The following STT3B variants were observed in gnomAD, a reference collection of about 807,000 sequenced individuals.
STT3B encodes the protein dolichyl-diphosphooligosaccharide--protein glycosyltransferase subunit STT3B.
In STT3B, 29 loss-of-function variants were observed where a neutral mutation model predicts 96.8. That is an observed-to-expected ratio of 0.30 (90% CI 0.22 to 0.41). The LOEUF is 0.41. Among genes scored for constraint, STT3B ranks in the 10% least tolerant of loss-of-function variants. The pLI is 1.00. For missense variants in STT3B, 640 were observed against 1,022.3 expected (o/e 0.63, Z 5.10); for synonymous variants, 367 against 360.0 (o/e 1.02, Z -0.22).
chr3:31,576,405 T>C lies in STT3B; in HGVS notation c.324T>C (p.Tyr108=). Reference sequence around the variant, plus strand: ...TATCTCTTTTCTCTAGGTTTAACTATAGATCAACACATCATCTTGCATCTC... The same window carrying C: ...TATCTCTTTTCTCTAGGTTTAACTACAGATCAACACATCATCTTGCATCTC... ...IIHEFDPWFN[Y]RSTHHLASHG... The change falls in exon 2 of 16, where the codon TAT becomes TAC. Residue 108 remains tyrosine, a synonymous_variant. Transcript: ENST00000295770. The C allele has an allele frequency of 3.2e-6, 5 of 1,583,816 alleles. No individual in the cohort carries two copies. Among genetic ancestry groups the C allele is most frequent in the Non-Finnish European group, 4.3e-6 (5 of 1,162,816 alleles).
rs117426207 is a variant in STT3B, at chr3:31,619,261, T to C, written c.1173-415T>C. Among the ~76,000 whole-genome samples, 70 of 152,278 alleles carry C rather than the reference T, an allele frequency of 4.6e-4. No homozygotes were observed. In the East Asian group the frequency reaches 0.013, roughly 27 times the overall value. On this transcript the variant is annotated intron_variant, in intron 8 of 15. Coordinates refer to ENST00000295770, the MANE Select transcript of STT3B (RefSeq NM_178862.3). ...TGAACTGGTAAGTATAATGCAAATA[T>C]TCTAAAATCTGAAACACTGCTGGTT... is the stretch of plus-strand genomic sequence containing the variant.
intron 3 of STT3B, among the ~76,000 whole-genome samples, chr3:31,592,835 A>G (rs1397719731): frequency 6.6e-6 from 1 of 152,182 alleles, no homozygotes; most frequent in Non-Finnish European, 1.5e-5. Context: ...TTTGGTTTCC[A>G]AAGTGGGGAA....
intron 5 of STT3B, among the ~76,000 whole-genome samples, chr3:31,609,189 T>C (rs1451103822): frequency 6.6e-6 from 1 of 152,180 alleles, no homozygotes; most frequent in African/African-American, 2.4e-5. Flanking sequence ...GTAACAGGAT[T>C]TGTGATTTCC....
At chr3:31,561,710 T>G (rs1697883567) in intron 1 of STT3B, among the ~76,000 whole-genome samples, 1 of 152,202 alleles carries the variant, frequency 6.6e-6, no homozygotes, top group South Asian at 2.1e-4. Flanking sequence ...CATATTTTCT[T>G]TTTTATGTTT....
intron 5 of STT3B, among the ~76,000 whole-genome samples, chr3:31,612,129 A>G (rs1434258906): frequency 6.6e-6 from 1 of 152,194 alleles, no homozygotes; most frequent in Non-Finnish European, 1.5e-5. Context: ...GTTTTGCATT[A>G]CCAGTTTGGG....
In STT3B at chr3:31,607,110, C is replaced by A. The variant is rs1295895315; in HGVS notation, c.877+6651C>A. ...TGTATTTATCGAGTGCCTGTACCCC[C>A]ATTGTATCTAGGAAGTAACTAACTT... On this transcript the variant is annotated intron_variant, in intron 5 of 15. Transcript: ENST00000295770. Among the ~76,000 whole-genome samples the A allele has an allele frequency of 2.0e-5, 3 of 152,168 alleles. No individual in the cohort carries two copies. The East Asian group carries it at 5.8e-4, about 29-fold the overall frequency.
At chr3:31,559,664 G>A (rs866547968) in intron 1 of STT3B, among the ~76,000 whole-genome samples, 1 of 152,016 alleles carries the variant, frequency 6.6e-6, no homozygotes, top group Non-Finnish European at 1.5e-5. Flanking sequence ...AGAATAATGT[G>A]TATTCTGTAG....
intron 1 of STT3B, among the ~76,000 whole-genome samples, chr3:31,554,262 C>T (rs772903674): frequency 1.3e-5 from 2 of 152,090 alleles, no homozygotes; most frequent in Non-Finnish European, 2.9e-5. Flanking sequence ...TTGTGAATCC[C>T]TTCCTGCCAG....
intron 1 of STT3B, among the ~76,000 whole-genome samples, chr3:31,541,004 A>T (rs897575422): frequency 6.6e-6 from 1 of 152,214 alleles, no homozygotes; most frequent in East Asian, 1.9e-4. Flanking sequence ...AAATTATTAT[A>T]CATCTTATTT....
intron 1 of STT3B, among the ~76,000 whole-genome samples, chr3:31,553,087 G>C (rs1385782629): frequency 9.1e-5 from 13 of 143,276 alleles, no homozygotes; most frequent in Non-Finnish European, 1.8e-4. Context: ...GGGCGACAGA[G>C]CGAAACTCCG....
At position 31,579,839 on chromosome 3, in the gene STT3B, C is replaced by G. The variant is rs368969973; in HGVS notation, c.454C>G (p.Leu152Val). The G allele has an allele frequency of 3.1e-6, 5 of 1,613,578 alleles. No individual in the cohort carries two copies. Among genetic ancestry groups the G allele is most frequent in the Non-Finnish European group, 4.2e-6 (5 of 1,179,672 alleles). The change falls in exon 3 of 16, where the codon CTT (leucine) becomes GTT (valine). Residue 152 changes from leucine to valine, a missense_variant. Leu to Val is a conservative substitution (Grantham distance 32). Transcript: ENST00000295770. ...VYPGLMITAG[L>V]IHWILNTLNI... Reference sequence around the variant, plus strand: ...CCCAGGGTTGATGATAACCGCTGGCCTTATTCATTGGATTTTAAATACATT... The same window carrying G: ...CCCAGGGTTGATGATAACCGCTGGCGTTATTCATTGGATTTTAAATACATT...
chr3:31,601,789 TAAA>T (rs948733401), intron 5 of STT3B, among the ~76,000 whole-genome samples: 2 of 152,150 alleles, frequency 1.3e-5, no homozygotes, highest in African/African-American at 2.4e-5. Flanking sequence ...CTCAACAAAA[TAAA>T]AAAGCATAGT....
intron 1 of STT3B, among the ~76,000 whole-genome samples, chr3:31,567,389 A>G (rs915058777): frequency 1.3e-5 from 2 of 151,116 alleles, no homozygotes; most frequent in Admixed American, 6.6e-5. Flanking sequence ...TGTTTGTTGG[A>G]TTTAATTTGC....
chr3:31,533,573 G>A (rs1697004175), intron 1 of STT3B: 2 of 301,006 alleles, frequency 6.6e-6, no homozygotes, highest in Non-Finnish European at 1.2e-5. Flanking sequence ...AAGACTGCCA[G>A]GAGTGTGGAT....
chr3:31,548,617 C>T (rs1197958437), intron 1 of STT3B, among the ~76,000 whole-genome samples: 1 of 152,142 alleles, frequency 6.6e-6, no homozygotes, highest in Non-Finnish European at 1.5e-5. Context: ...GACCACCTCT[C>T]CTCAACCTGT....
At chr3:31,629,748 G>A (rs763659132) in intron 14 of STT3B, among the ~76,000 whole-genome samples, 5 of 152,164 alleles carry the variant, frequency 3.3e-5, no homozygotes, top group Non-Finnish European at 7.3e-5. Context: ...GGTGTCTTAG[G>A]TCACTTTGCT....
chr3:31,578,195 G>A (rs183607997), intron 2 of STT3B, among the ~76,000 whole-genome samples: 5 of 152,128 alleles, frequency 3.3e-5, no homozygotes, highest in Non-Finnish European at 7.4e-5. Context: ...TCATAAGCAG[G>A]TCCTGACTTT....
At chr3:31,585,643 C>G (rs1307273089) in intron 3 of STT3B, among the ~76,000 whole-genome samples, 2 of 152,048 alleles carry the variant, frequency 1.3e-5, no homozygotes, top group Non-Finnish European at 2.9e-5. Context: ...TCTCCCTACC[C>G]CATTTCTGGC....
chr3:31,538,639 A>G (rs73824171), intron 1 of STT3B, among the ~76,000 whole-genome samples: 1,785 of 152,234 alleles, frequency 0.012, 37 homozygotes, highest in African/African-American at 0.041. Context: ...TGTGATTGCA[A>G]CAGTGACTTC....
Sources: gnomAD v4.1 joint callset for allele counts (sites outside exome capture counted in the v4.1 genomes callset) on GRCh38, gnomAD v4.1.1 for gene constraint, MANE v1.5 for transcripts, NCBI Gene and HGNC (gene_info 2026-07-23, HGNC 2026-07-21) for gene names.